The following THSD7B variants were observed in gnomAD, a reference collection of about 807,000 sequenced individuals.
The protein encoded by THSD7B is thrombospondin type-1 domain-containing protein 7B.
In THSD7B, 138 loss-of-function variants were observed where a neutral mutation model predicts 213.6. That is an observed-to-expected ratio of 0.65 (90% confidence interval 0.56 to 0.74). The LOEUF (loss-of-function observed/expected upper bound fraction) is 0.74. Among genes scored for constraint, THSD7B ranks in the 30% least tolerant of loss-of-function variants. The probability of loss-of-function intolerance (pLI) is 0.00; values close to 1 mark genes in which losing one functional copy is unlikely to be tolerated. For missense variants in THSD7B, 1,931 were observed against 1,991.5 expected, an observed-to-expected ratio of 0.97 and a Z score of 0.58; for synonymous variants, 742 against 687.0, an observed-to-expected ratio of 1.08 and a Z score of -1.25.
chr2:137,045,983 AAC>A (rs1338533079), intron 2 of THSD7B, among the ~76,000 whole-genome samples: 3 of 152,144 alleles, frequency 2.0e-5, no homozygotes, highest in African/African-American at 2.4e-5. Context: ...AAACTGAGGA[AAC>A]ACAGAGAAGA....
At chr2:137,147,234 G>A (rs1461320716) in intron 5 of THSD7B, among the ~76,000 whole-genome samples, 1 of 152,060 alleles carries the variant, frequency 6.6e-6, no homozygotes, top group Non-Finnish European at 1.5e-5. Flanking sequence ...AGATGCTTTT[G>A]TTCGGTTTTG....
intron 7 of THSD7B, among the ~76,000 whole-genome samples, chr2:137,186,007 T>C (rs1680544513): frequency 6.6e-6 from 1 of 152,244 alleles, no homozygotes; most frequent in Non-Finnish European, 1.5e-5. Context: ...CATTTTTTCA[T>C]GTTTGTTGTC....
intron 12 of THSD7B, among the ~76,000 whole-genome samples, chr2:137,317,918 C>T (rs974070481): frequency 1.3e-5 from 2 of 152,022 alleles, no homozygotes; most frequent in African/African-American, 4.8e-5. Context: ...CAGAGCAAGA[C>T]CCTGTCTCTA....
intron 15 of THSD7B, among the ~76,000 whole-genome samples, chr2:137,547,650 C>T (rs566448057): frequency 7.9e-5 from 12 of 152,060 alleles, no homozygotes; most frequent in East Asian, 1.9e-4. Context: ...ACATCAGGAA[C>T]GGAGTTTGCA....
At chr2:137,494,656 A>G (rs913088292) in intron 15 of THSD7B, among the ~76,000 whole-genome samples, 1 of 152,110 alleles carries the variant, frequency 6.6e-6, no homozygotes, top group African/African-American at 2.4e-5. Flanking sequence ...CTCTTATTGA[A>G]TGTTTTTATT....
intron 5 of THSD7B, among the ~76,000 whole-genome samples, chr2:137,145,466 A>T (rs1573851515): frequency 6.6e-6 from 1 of 152,022 alleles, no homozygotes; most frequent in South Asian, 2.1e-4. Flanking sequence ...CCTTACCATT[A>T]TCTGTACTCT....
chr2:137,488,805 G>C (rs1447090847), intron 15 of THSD7B, among the ~76,000 whole-genome samples: 4 of 152,138 alleles, frequency 2.6e-5, no homozygotes, highest in African/African-American at 9.7e-5. Flanking sequence ...AGAGAAGAAA[G>C]AACTTTGTTC....
rs192742460 is a variant in THSD7B, at chr2:137,329,629, T to A, written c.2500+53603T>A. Among the ~76,000 whole-genome samples, 508 of 152,280 alleles carry A rather than the reference T, an allele frequency of 3.3e-3. 3 individuals are homozygous for A. In the Middle Eastern group the frequency reaches 0.037, roughly 11 times the overall value. ...ATCTGCCCACCTTGGCCTCCCAAAG[T>A]GCTAGGATTATAGGCATGAGCCACT... On this transcript the variant is annotated intron_variant, in intron 12 of 27. Coordinates refer to ENST00000409968, the MANE Select transcript of THSD7B (RefSeq NM_001316349.2).
chr2:137,581,445 C>A (rs560634275), intron 17 of THSD7B, among the ~76,000 whole-genome samples: 2 of 151,996 alleles, frequency 1.3e-5, no homozygotes, highest in East Asian at 3.9e-4. Context: ...AAAATTAGCC[C>A]AGCGTGGTGG....
chr2:137,657,011 A>G (rs1201503325), intron 23 of THSD7B, 42 bp downstream of exon 23: 1 of 1,613,542 alleles, frequency 6.2e-7, no homozygotes, highest in Non-Finnish European at 8.5e-7. Flanking sequence ...TCATTGATCA[A>G]TGCTTATTCT....
intron 13 of THSD7B, among the ~76,000 whole-genome samples, chr2:137,407,930 A>T (rs1686565558): frequency 6.6e-6 from 1 of 150,606 alleles, no homozygotes. Flanking sequence ...ATATTATATG[A>T]GATATAATAT....
At chr2:136,953,336 A>C (rs1211075825) in intron 2 of THSD7B, among the ~76,000 whole-genome samples, 1 of 152,212 alleles carries the variant, frequency 6.6e-6, no homozygotes, top group Non-Finnish European at 1.5e-5. Flanking sequence ...TAATCTGATT[A>C]GTGGCTTTAA....
chr2:137,626,336 C>T (rs188036257), intron 20 of THSD7B, among the ~76,000 whole-genome samples: 2 of 152,048 alleles, frequency 1.3e-5, no homozygotes, highest in South Asian at 2.1e-4. Context: ...CCGTGGCGGG[C>T]GCCTGTAGTC....
At chr2:137,561,810 C>T (rs1681125549) in intron 15 of THSD7B, among the ~76,000 whole-genome samples, 1 of 152,130 alleles carries the variant, frequency 6.6e-6, no homozygotes, top group Non-Finnish European at 1.5e-5. Context: ...TTCTTGCCAG[C>T]ATTCACAGCA....
chr2:137,622,066 T>TG lies in THSD7B; in HGVS notation c.3799+1345dup, dbSNP rs1682530312. On this transcript the variant is annotated intron_variant, in intron 20 of 27. Transcript: ENST00000409968. ...CCCAGGGAGGGCATTAATCCATTCA[T>TG]GGGGGATCAGCACTTATGACCCACA... 2.0e-5 allele frequency among the ~76,000 whole-genome samples: 3 copies of TG among 152,286 alleles called. No homozygotes were observed. In the South Asian group the frequency reaches 6.2e-4, roughly 32 times the overall value.
At chr2:137,588,172 G>A (rs1681782619) in intron 17 of THSD7B, among the ~76,000 whole-genome samples, 1 of 152,196 alleles carries the variant, frequency 6.6e-6, no homozygotes, top group South Asian at 2.1e-4. Context: ...CGTTTGCTAA[G>A]ACCATTGAAA....
chr2:137,198,519 A>C (rs1680810611), intron 7 of THSD7B, among the ~76,000 whole-genome samples: 1 of 152,090 alleles, frequency 6.6e-6, no homozygotes, highest in African/African-American at 2.4e-5. Flanking sequence ...ACTACTGCCA[A>C]CCTCTTGGCC....
In THSD7B at chr2:137,029,779, C is replaced by T. The variant is rs140838835; in HGVS notation, c.140-26641C>T. Among the ~76,000 whole-genome samples the T allele has an allele frequency of 1.6e-3, 251 of 152,164 alleles. 1 individual carries two copies. The highest frequency in any genetic ancestry group is 2.6e-3 in the Non-Finnish European group (174 of 68,010). ...CAAGAGAGGAGGTATATCATTATGC[C>T]GTGATTTCCTAAGTTACTTGATAAT... On this transcript the variant is annotated intron_variant, in intron 2 of 27. Transcript: ENST00000409968.
Position 137,546,448 on chromosome 2 carries a change from ATATATAT to A in THSD7B, c.3139-16765_3139-16759del, listed in dbSNP as rs1266196389. On this transcript the variant is annotated intron_variant, in intron 15 of 27. Coordinates refer to ENST00000409968, the MANE Select transcript of THSD7B (RefSeq NM_001316349.2). ...ATTATATATATATTATATATATTATATATATATTATATATAATATATATATATATAAT... is the reference window on the plus strand; with the variant it reads ...ATTATATATATATTATATATATTATATATATATAATATATATATATATAAT... Among the ~76,000 whole-genome samples, 8 of 27,678 alleles carry A rather than the reference ATATATAT, an allele frequency of 2.9e-4. 1 individual carries two copies. The highest frequency in any genetic ancestry group is 2.4e-3 in the African/African-American group (8 of 3,340). The allele number at this position is 27,678 out of a possible 152,430, so 18.2% of individuals were successfully genotyped here.
Sources: gnomAD v4.1 joint callset for allele counts (sites outside exome capture counted in the v4.1 genomes callset) on GRCh38, gnomAD v4.1.1 for gene constraint, MANE v1.5 for transcripts, NCBI Gene and HGNC (gene_info 2026-07-23, HGNC 2026-07-21) for gene names.